HS6ST3: variants seen among roughly 807,000 people sequenced by gnomAD.
The protein encoded by HS6ST3 is heparan sulfate 6-O-sulfotransferase 3.
HS6ST3 carries 12 observed loss-of-function variants against 36.7 expected under a neutral mutation model. The observed-to-expected ratio is 0.33, with a 90% CI of 0.21 to 0.53. The LOEUF (loss-of-function observed/expected upper bound fraction) is 0.53, where lower values mean the gene tolerates loss of function less well. Ranked by LOEUF, HS6ST3 falls within the 20% of genes least tolerant of loss-of-function variation. The pLI is 0.95. For synonymous variants in HS6ST3, 240 were observed against 257.5 expected, an observed-to-expected ratio of 0.93 and a Z score of 0.65; for missense variants, 584 against 640.9, an observed-to-expected ratio of 0.91 and a Z score of 0.96.
At position 96,091,126 on chromosome 13, in the gene HS6ST3, G is replaced by C. The variant is rs1445127737; in HGVS notation, c.264G>C (p.Pro88=). 2 of 1,444,640 alleles carry C rather than the reference G, an allele frequency of 1.4e-6. No individual in the cohort carries two copies. Among genetic ancestry groups the C allele is most frequent in the Non-Finnish European group, 1.8e-6 (2 of 1,102,268 alleles). The allele number at this position is 1,444,640 out of a possible 1,614,324, so 89.5% of individuals were successfully genotyped here. ...PPEGPRGAAA[P]EEEDEEPGDP... ...AGGGACCTCGGGGGGCCGCGGCGCC[G>C]GAGGAGGAGGACGAGGAGCCCGGAG... Residue 88 remains proline, a synonymous_variant, in exon 1 of 2, where the codon CCG becomes CCC. Transcript: ENST00000376705.
intron 1 of HS6ST3, among the ~76,000 whole-genome samples, chr13:96,668,045 T>C (rs2138429061): frequency 6.6e-6 from 1 of 152,338 alleles, no homozygotes; most frequent in East Asian, 1.9e-4. Context: ...CAGTTTTAAG[T>C]AATGTACAAG....
chr13:96,806,891 G>T (rs373700277), intron 1 of HS6ST3, among the ~76,000 whole-genome samples: 1 of 152,060 alleles, frequency 6.6e-6, no homozygotes, highest in African/African-American at 2.4e-5. Context: ...TCTTCACCTG[G>T]GACAACTGCC....
intron 1 of HS6ST3, among the ~76,000 whole-genome samples, chr13:96,797,746 C>A (rs1877949050): frequency 6.6e-6 from 1 of 152,062 alleles, no homozygotes; most frequent in African/African-American, 2.4e-5. Context: ...GCAATCAACA[C>A]AGAAGACTTA....
At chr13:96,377,813 C>T (rs992462369) in intron 1 of HS6ST3, among the ~76,000 whole-genome samples, 5 of 152,004 alleles carry the variant, frequency 3.3e-5, no homozygotes, top group Non-Finnish European at 7.4e-5. Context: ...AAATCCAGGT[C>T]GGGTATATAA....
In HS6ST3 at chr13:96,194,958, T is replaced by C. The variant is rs138965577; in HGVS notation, c.707+103389T>C. 3.8e-3 allele frequency among the ~76,000 whole-genome samples: 575 copies of C among 152,328 alleles called. 6 individuals are homozygous for C. The highest frequency in any genetic ancestry group is 0.013 in the African/African-American group (549 of 41,570). ...CCAAACTTTAATTAACATTTTGTTA[T>C]TGATTAGACTTAGAGGTCATGTGCT... On this transcript the variant is annotated intron_variant, in intron 1 of 1. Transcript: ENST00000376705.
intron 1 of HS6ST3, among the ~76,000 whole-genome samples, chr13:96,598,171 A>G (rs1041890714): frequency 1.3e-5 from 2 of 152,174 alleles, no homozygotes; most frequent in East Asian, 1.9e-4. Flanking sequence ...TTTTGGTTCT[A>G]TATAAATTTC....
At chr13:96,636,267 T>C (rs376546536) in intron 1 of HS6ST3, among the ~76,000 whole-genome samples, 9 of 152,142 alleles carry the variant, frequency 5.9e-5, no homozygotes, top group African/African-American at 2.2e-4. Flanking sequence ...CATCTGATAA[T>C]AGCAAACAGG....
At chr13:96,684,510 A>G (rs1874715088) in intron 1 of HS6ST3, among the ~76,000 whole-genome samples, 1 of 152,078 alleles carries the variant, frequency 6.6e-6, no homozygotes, top group Admixed American at 6.6e-5. Flanking sequence ...CCGAAACTCA[A>G]GCCTAAGAAT....
chr13:96,421,295 T>G (rs1479268534), intron 1 of HS6ST3, among the ~76,000 whole-genome samples: 1 of 152,214 alleles, frequency 6.6e-6, no homozygotes, highest in Non-Finnish European at 1.5e-5. Context: ...GTAAATTGTT[T>G]TGTCACCAAT....
chr13:96,450,679 T>G lies in HS6ST3; in HGVS notation c.707+359110T>G, dbSNP rs376572552. Among the ~76,000 whole-genome samples, 21 of 152,354 alleles carry G rather than the reference T, an allele frequency of 1.4e-4. No individual in the cohort carries two copies. The East Asian group carries it at 2.9e-3, about 21-fold the overall frequency. On this transcript the variant is annotated intron_variant, in intron 1 of 1. Transcript: ENST00000376705. ...TTCTGGCTAACTTGCCTATAGAAACTGTGCCTATGATTAATAAGCAATTAT... is the reference window on the plus strand; with the variant it reads ...TTCTGGCTAACTTGCCTATAGAAACGGTGCCTATGATTAATAAGCAATTAT...
rs547017074 is a variant in HS6ST3, at chr13:96,091,106, C to T, written c.244C>T (p.Pro82Ser). 5.7e-4 allele frequency: 801 copies of T among 1,413,724 alleles called. 4 individuals carry two copies. The African/African-American group carries it at 0.011, about 19-fold the overall frequency. The allele number at this position is 1,413,724 out of a possible 1,614,324, so 87.6% of individuals were successfully genotyped here. The stretch of plus-strand genomic sequence containing the variant: ...GCCGCCCCGGGGGCCCCCCGAGGGA[C>T]CTCGGGGGGCCGCGGCGCCGGAGGA... ...PPPPRGPPEGPRGAAAPEEED... is the reference protein window; with the variant it reads ...PPPPRGPPEGSRGAAAPEEED... The change falls in exon 1 of 2, where the codon CCT (proline) becomes TCT (serine). Residue 82 changes from proline to serine, a missense_variant. By Grantham distance (74) the Pro-to-Ser change is moderately conservative. Transcript: ENST00000376705.
chr13:96,687,241 C>G (rs1196243725), intron 1 of HS6ST3, among the ~76,000 whole-genome samples: 1 of 151,912 alleles, frequency 6.6e-6, no homozygotes, highest in Non-Finnish European at 1.5e-5. Context: ...TTGTTTTATT[C>G]ATAATAGAAT....
At chr13:96,152,316 C>CTTTT (rs766489670) in intron 1 of HS6ST3, among the ~76,000 whole-genome samples, 36 of 97,030 alleles carry the variant, frequency 3.7e-4, no homozygotes, top group African/African-American at 9.4e-4. Context: ...GGCCCCTTTC[C>CTTTT]TTTTTTTTTT....
At chr13:96,598,130 T>A (rs896103812) in intron 1 of HS6ST3, among the ~76,000 whole-genome samples, 30 of 152,134 alleles carry the variant, frequency 2.0e-4, no homozygotes, top group African/African-American at 6.8e-4. Flanking sequence ...TGCTCTCTTT[T>A]CTTAGGATTG....
chr13:96,695,032 A>G (rs888233588), intron 1 of HS6ST3, among the ~76,000 whole-genome samples: 1 of 152,212 alleles, frequency 6.6e-6, no homozygotes, highest in Admixed American at 6.5e-5. Context: ...GTGTTTGAAC[A>G]TGCCTAGTGA....
chr13:96,644,987 TACTA>T (rs949571930), intron 1 of HS6ST3, among the ~76,000 whole-genome samples: 11 of 151,988 alleles, frequency 7.2e-5, no homozygotes, highest in African/African-American at 1.9e-4. Context: ...TTACTAGAAA[TACTA>T]ACTGTTTGAA....
At chr13:96,464,163 C>CAAAAAAAAAAAAAAAAAAAAAAAA (rs1322172089) in intron 1 of HS6ST3, among the ~76,000 whole-genome samples, 180 of 64,768 alleles carry the variant, frequency 2.8e-3, no homozygotes, top group South Asian at 6.8e-3. Context: ...AAAAAAAAAT[C>CAAAAAAAAAAAAAAAAAAAAAAAA]AAAGATCTGA....
At chr13:96,717,137 G>T (rs1430548813) in intron 1 of HS6ST3, among the ~76,000 whole-genome samples, 5 of 152,188 alleles carry the variant, frequency 3.3e-5, no homozygotes, top group Admixed American at 2.6e-4. Flanking sequence ...AGAGAACATT[G>T]CTCAGTTTTT....
intron 1 of HS6ST3, among the ~76,000 whole-genome samples, chr13:96,555,566 A>G (rs2138951536): frequency 6.6e-6 from 1 of 152,302 alleles, no homozygotes; most frequent in African/African-American, 2.4e-5. Context: ...GCGACATTGT[A>G]TTTGGTATTA....
Sources: allele counts gnomAD v4.1 joint callset (sites outside exome capture counted in the v4.1 genomes callset), GRCh38; gene constraint gnomAD v4.1.1; transcripts MANE v1.5; gene names NCBI Gene and HGNC (gene_info 2026-07-23, HGNC 2026-07-21).